Variants in COL22A1 observed in about 807,000 individuals in gnomAD.
COL22A1 encodes the protein collagen alpha-1(XXII) chain.
In COL22A1, 221 loss-of-function variants were observed where a neutral mutation model predicts 248.9. The ratio of observed to expected loss-of-function variants is 0.89; its 90% CI spans 0.80 to 0.99. COL22A1 has a LOEUF of 0.99. Among genes scored for constraint, COL22A1 ranks in the 50% least tolerant of loss-of-function variants. The pLI is 0.00. For synonymous variants in COL22A1, 891 were observed against 793.4 expected (o/e 1.12, Z -2.07); for missense variants, 2,240 against 2,179.0 (o/e 1.03, Z -0.56).
intron 45 of COL22A1, among the ~76,000 whole-genome samples, chr8:138,650,537 T>A (rs918875945): frequency 6.6e-6 from 1 of 152,146 alleles, no homozygotes; most frequent in South Asian, 2.1e-4. Flanking sequence ...GCCTGCCTCA[T>A]CCACCTGCCT....
intron 30 of COL22A1, 79 bp from the exon 31 acceptor site, chr8:138,703,426 T>C (rs1828130968): frequency 7.4e-7 from 1 of 1,349,316 alleles, no homozygotes; most frequent in African/African-American, 1.4e-5. Context: ...CAGCTAACAC[T>C]ATTTTCCCCA....
At chr8:138,592,721 T>A (rs964363352) in intron 63 of COL22A1, among the ~76,000 whole-genome samples, 1 of 142,932 alleles carries the variant, frequency 7.0e-6, no homozygotes, top group Non-Finnish European at 1.5e-5. Context: ...CCCTGCCCCA[T>A]GCTTATTCCT....
intron 63 of COL22A1, among the ~76,000 whole-genome samples, chr8:138,591,847 G>A (rs949013432): frequency 2.6e-5 from 4 of 152,102 alleles, no homozygotes; most frequent in Non-Finnish European, 4.4e-5. Flanking sequence ...ATTAACAACT[G>A]TATACATACA....
At position 138,700,811 on chromosome 8, in the gene COL22A1, AG is replaced by A. The variant is rs1361116255; in HGVS notation, c.2560-668del. Among the ~76,000 whole-genome samples, 5 of 152,028 alleles carry A rather than the reference AG, an allele frequency of 3.3e-5. No individual in the cohort carries two copies. The East Asian group carries it at 9.7e-4, about 30-fold the overall frequency. ...CGCCCTGGCTAACATGGTGAAACCC[AG>A]TCTCTACTAAAAAATACAAAAAATT... On this transcript the variant is annotated intron_variant, in intron 31 of 64. Transcript: ENST00000303045.
chr8:138,802,849 T>C (rs1347055855), intron 11 of COL22A1, 23 bp downstream of exon 11: 9 of 1,604,464 alleles, frequency 5.6e-6, no homozygotes, highest in East Asian at 2.2e-5. Flanking sequence ...TTCAGCCATG[T>C]AGAGGAGCAG....
chr8:138,626,686 CT>C (rs1820270063), intron 50 of COL22A1, among the ~76,000 whole-genome samples: 1 of 152,206 alleles, frequency 6.6e-6, no homozygotes, highest in Admixed American at 6.5e-5. Flanking sequence ...AAGTGGGGAG[CT>C]GACCGGGGTG....
chr8:138,693,209 G>A (rs1827227947), intron 35 of COL22A1, among the ~76,000 whole-genome samples: 1 of 152,086 alleles, frequency 6.6e-6, no homozygotes, highest in Non-Finnish European at 1.5e-5. Flanking sequence ...TGTGCATAGA[G>A]GTGTCTGTAT....
chr8:138,687,848 G>T (rs1333034971), intron 37 of COL22A1, among the ~76,000 whole-genome samples: 2 of 152,226 alleles, frequency 1.3e-5, no homozygotes, highest in Non-Finnish European at 2.9e-5. Flanking sequence ...CTCATGTGCT[G>T]TGAGGTTTTT....
intron 37 of COL22A1, 139 bp downstream of exon 37, chr8:138,688,778 C>G: frequency 1.4e-6 from 1 of 693,616 alleles, no homozygotes; most frequent in Non-Finnish European, 2.6e-6. Flanking sequence ...ATGGCACAGT[C>G]TTCCTCTCCC....
intron 3 of COL22A1, among the ~76,000 whole-genome samples, chr8:138,847,237 C>T (rs140643888): frequency 6.6e-6 from 1 of 152,292 alleles, no homozygotes; most frequent in African/African-American, 2.4e-5. Flanking sequence ...AGCTGTTGAG[C>T]AGAAATGACT....
intron 25 of COL22A1, among the ~76,000 whole-genome samples, chr8:138,722,901 G>A (rs1830007369): frequency 6.8e-6 from 1 of 147,880 alleles, no homozygotes; most frequent in South Asian, 2.2e-4. Flanking sequence ...GGTGTGGAGG[G>A]AGGTGTGCAG....
rs1819508343 is a variant in COL22A1, at chr8:138,825,490, T to C, written c.969+1168A>G. Among the ~76,000 whole-genome samples, 4 of 152,352 alleles carry C rather than the reference T, an allele frequency of 2.6e-5. 1 individual carries two copies. The Middle Eastern group carries it at 0.01, about 389-fold the overall frequency. On this transcript the variant is annotated intron_variant, in intron 6 of 64. Transcript: ENST00000303045. ...CTCTGTGGCTCAGTTTCCTCATAAC[T>C]GTGATGCTAACAGTAGAAAATATTC... is the stretch of plus-strand genomic sequence containing the variant.
chr8:138,763,902 C>T (rs986382251), intron 16 of COL22A1, among the ~76,000 whole-genome samples: 1 of 152,208 alleles, frequency 6.6e-6, no homozygotes, highest in Admixed American at 6.5e-5. Flanking sequence ...ACACGCACCT[C>T]CCCAGTCACA....
chr8:138,772,519 A>G (rs1211274021), intron 16 of COL22A1, among the ~76,000 whole-genome samples: 3 of 152,064 alleles, frequency 2.0e-5, no homozygotes, highest in Non-Finnish European at 4.4e-5. Context: ...TTTTATACCA[A>G]TCTTCGTGGC....
At chr8:138,622,972 G>T (rs776821201) in intron 52 of COL22A1, among the ~76,000 whole-genome samples, 1 of 151,846 alleles carries the variant, frequency 6.6e-6, no homozygotes, top group Non-Finnish European at 1.5e-5. Flanking sequence ...AGAGGTGCTA[G>T]GAACCGATGA....
chr8:138,878,259 C>T lies in COL22A1; in HGVS notation c.149G>A (p.Gly50Asp). The T allele has an allele frequency of 1.9e-6, 3 of 1,585,534 alleles. No individual in the cohort carries two copies. Among genetic ancestry groups the T allele is most frequent in the Admixed American group, 1.8e-5 (1 of 56,836 alleles). Residue 50 changes from glycine (G) to aspartate (D), a missense_variant, in exon 3 of 65, where the codon GGC (glycine) becomes GAC (aspartate). Gly to Asp is a moderately conservative substitution (Grantham distance 94). Coordinates refer to ENST00000303045, the MANE Select transcript of COL22A1 (RefSeq NM_152888.3). ...CCGGACCTTCTCAAAGTCCTCCTTG[C>T]CCACGCTGGAGGAGGTGTCCAGGAG... Reference protein sequence around the residue: ...VFLLDTSSSVGKEDFEKVRQW... With the variant: ...VFLLDTSSSVDKEDFEKVRQW...
intron 9 of COL22A1, among the ~76,000 whole-genome samples, chr8:138,809,053 C>A (rs372082672): frequency 7.4e-6 from 1 of 134,368 alleles, no homozygotes; most frequent in African/African-American, 2.7e-5. Flanking sequence ...ACTTCCTAGG[C>A]CCCCTGTGTT....
intron 35 of COL22A1, among the ~76,000 whole-genome samples, chr8:138,692,781 C>T (rs997146093): frequency 6.6e-6 from 1 of 152,048 alleles, no homozygotes; most frequent in African/African-American, 2.4e-5. Context: ...CTTCCATTCC[C>T]CTCCAGGCTG....
intron 12 of COL22A1, among the ~76,000 whole-genome samples, chr8:138,792,715 C>T (rs1347691601): frequency 6.6e-6 from 1 of 152,192 alleles, no homozygotes; most frequent in Admixed American, 6.5e-5. Context: ...CGTGGATAAA[C>T]TCACCAACCC....
Sources: allele counts gnomAD v4.1 joint callset (sites outside exome capture counted in the v4.1 genomes callset), GRCh38; gene constraint gnomAD v4.1.1; transcripts MANE v1.5; gene names NCBI Gene and HGNC (gene_info 2026-07-23, HGNC 2026-07-21).